N4BP2L2: variants seen among roughly 807,000 people sequenced by gnomAD.
N4BP2L2 encodes NEDD4 binding protein 2 like 2, also known as NEDD4-binding protein 2-like 2.
N4BP2L2 carries 50 observed loss-of-function variants against 56.2 expected under a neutral mutation model. That is an observed-to-expected ratio of 0.89 (90% CI 0.71 to 1.13). The LOEUF is 1.13. Ranked by LOEUF, N4BP2L2 falls within the 50% of genes most tolerant of loss-of-function variation. N4BP2L2 has a pLI of 0.00. For missense variants in N4BP2L2, 689 were observed against 693.8 expected, an observed-to-expected ratio of 0.99 and a Z score of 0.08; for synonymous variants, 203 against 223.6, an observed-to-expected ratio of 0.91 and a Z score of 0.82.
intron 2 of N4BP2L2, among the ~76,000 whole-genome samples, chr13:32,533,961 A>T (rs920519806): frequency 6.6e-6 from 1 of 152,238 alleles, no homozygotes; most frequent in African/African-American, 2.4e-5. Context: ...GGAGTCACGT[A>T]TAAGACTACA....
chr13:32,536,780 T>C, exon 2 of N4BP2L2: 1 of 1,614,202 alleles, frequency 6.2e-7, no homozygotes. Flanking sequence ...CATCTCATCA[T>C]GCAAAGGTCT....
intron 6 of N4BP2L2, among the ~76,000 whole-genome samples, chr13:32,454,735 A>T (rs924838795): frequency 1.3e-5 from 2 of 152,226 alleles, no homozygotes; most frequent in Non-Finnish European, 2.9e-5. Flanking sequence ...AGCTGGCTAG[A>T]GGCATCCAGC....
At position 32,461,642 on chromosome 13, in the gene N4BP2L2, C is replaced by T. The variant is rs539872007; in HGVS notation, c.366-17516G>A. Among the ~76,000 whole-genome samples, 5 of 152,288 alleles carry T rather than the reference C, an allele frequency of 3.3e-5. No individual in the cohort carries two copies. In the South Asian group the frequency reaches 8.3e-4, roughly 25 times the overall value. The stretch of plus-strand genomic sequence containing the variant: ...TTAGAGACAGGGTCTCACTCTGTTG[C>T]CCAGGCTGGAGTGGCAGTGGTGTGA... On this transcript the variant is annotated intron_variant, in intron 6 of 9. Coordinates refer to the N4BP2L2 transcript ENST00000357505.
chr13:32,506,018 T>C (rs2090887155), downstream of N4BP2L2: 1 of 152,218 alleles, frequency 6.6e-6, no homozygotes, highest in Admixed American at 6.5e-5. Context: ...CCAAAATCCA[T>C]ATAAGTTTAC....
At chr13:32,492,975 T>C (rs35555940) in intron 6 of N4BP2L2, among the ~76,000 whole-genome samples, 1 of 144,786 alleles carries the variant, frequency 6.9e-6, no homozygotes, top group African/African-American at 2.6e-5. Context: ...CAGGATGCAG[T>C]GCTGTGGTAC....
At chr13:32,493,758 T>C (rs1566122003) in intron 6 of N4BP2L2, among the ~76,000 whole-genome samples, 1 of 152,206 alleles carries the variant, frequency 6.6e-6, no homozygotes, top group Non-Finnish European at 1.5e-5. Flanking sequence ...CTGCCTGAAA[T>C]TTTCTGGGTA....
At chr13:32,523,036 G>A (rs1002979394) in intron 3 of N4BP2L2, 3 of 152,150 alleles carry the variant, frequency 2.0e-5, no homozygotes, top group Non-Finnish European at 4.4e-5. Context: ...GCTGTAGAAT[G>A]GAACTTTTCT....
chr13:32,517,836 G>A (rs146356759), exon 6 of N4BP2L2: 10 of 1,613,760 alleles, frequency 6.2e-6, no homozygotes, highest in Non-Finnish European at 8.5e-6. Context: ...ACGATTATGT[G>A]AGCCAAGAGA....
At chr13:32,470,013 G>T (rs954049832) in intron 6 of N4BP2L2, among the ~76,000 whole-genome samples, 23 of 152,182 alleles carry the variant, frequency 1.5e-4, no homozygotes, top group Non-Finnish European at 3.1e-4. Flanking sequence ...TCTGGGTGGG[G>T]CTGCATCAAT....
intron 6 of N4BP2L2, among the ~76,000 whole-genome samples, chr13:32,456,018 C>T (rs551686410): frequency 2.6e-5 from 4 of 152,254 alleles, no homozygotes; most frequent in Non-Finnish European, 5.9e-5. Flanking sequence ...TATCCCCCTA[C>T]CTGGTTCACT....
intron 2 of N4BP2L2, among the ~76,000 whole-genome samples, chr13:32,532,459 T>C (rs945392966): frequency 2.0e-5 from 3 of 152,128 alleles, no homozygotes; most frequent in African/African-American, 2.4e-5. Context: ...TTAAATATTT[T>C]TCCAGACTGA....
chr13:32,445,408 T>C (rs1190313845), intron 6 of N4BP2L2, among the ~76,000 whole-genome samples: 1 of 152,242 alleles, frequency 6.6e-6, no homozygotes, highest in Non-Finnish European at 1.5e-5. Context: ...ACATAAAACC[T>C]ACCAGTAAAT....
At chr13:32,483,024 A>T (rs1239885947) in intron 6 of N4BP2L2, among the ~76,000 whole-genome samples, 1 of 152,208 alleles carries the variant, frequency 6.6e-6, no homozygotes, top group African/African-American at 2.4e-5. Flanking sequence ...TTTTCATCCA[A>T]TTATTTCACT....
At chr13:32,532,922 C>T (rs1325308398) in intron 2 of N4BP2L2, among the ~76,000 whole-genome samples, 1 of 150,544 alleles carries the variant, frequency 6.6e-6, no homozygotes, top group Non-Finnish European at 1.5e-5. Flanking sequence ...GAGACAGGGT[C>T]TATGTTGCCC....
intron 6 of N4BP2L2, among the ~76,000 whole-genome samples, chr13:32,499,297 C>T (rs1488609179): frequency 6.6e-6 from 1 of 152,186 alleles, no homozygotes; most frequent in East Asian, 1.9e-4. Flanking sequence ...TACTTCTTCT[C>T]ACTACTGGTT....
At chr13:32,434,251 TTTTTC>T (rs1404824329) in intron 9 of N4BP2L2, among the ~76,000 whole-genome samples, 11 of 135,686 alleles carry the variant, frequency 8.1e-5, no homozygotes, top group Non-Finnish European at 1.7e-4. Context: ...TAATTTTCTT[TTTTTC>T]TTTTTTTTTT....
At chr13:32,480,623 T>C (rs1283805365) in intron 6 of N4BP2L2, 2 of 1,288,442 alleles carry the variant, frequency 1.6e-6, no homozygotes, top group Admixed American at 2.3e-5. Flanking sequence ...ACATTTGATA[T>C]TTCTTCAGTC....
At chr13:32,521,488 G>T in intron 4 of N4BP2L2, 39 bp from the exon 5 acceptor site, 2 of 1,400,042 alleles carry the variant, frequency 1.4e-6, no homozygotes, top group Non-Finnish European at 2.0e-6. Context: ...ACCCAGAGAA[G>T]TACTTCTTAA....
At chr13:32,485,956 G>A (rs1168619118) in intron 6 of N4BP2L2, among the ~76,000 whole-genome samples, 1 of 152,168 alleles carries the variant, frequency 6.6e-6, no homozygotes, top group Non-Finnish European at 1.5e-5. Context: ...TGTAGTCTGA[G>A]CCACTCAGGA....
Sources: allele counts gnomAD v4.1 joint callset (sites outside exome capture counted in the v4.1 genomes callset), GRCh38; gene constraint gnomAD v4.1.1; transcripts MANE v1.5; gene names NCBI Gene and HGNC (gene_info 2026-07-23, HGNC 2026-07-21).